Variants in ZNF569 observed in about 807,000 individuals in gnomAD.
ZNF569 encodes the protein DNA-binding protein.
A neutral mutation model predicts 56.3 loss-of-function variants in ZNF569; 38 were observed. The observed-to-expected ratio is 0.68, with a 90% CI of 0.52 to 0.88. The LOEUF is 0.88. ZNF569 is among the 40% of genes least tolerant of loss of function. ZNF569 has a pLI of 0.00. For missense variants in ZNF569, 666 were observed against 809.2 expected, an observed-to-expected ratio of 0.82 and a Z score of 2.15; for synonymous variants, 241 against 262.9, an observed-to-expected ratio of 0.92 and a Z score of 0.81.
intron 5 of ZNF569, among the ~76,000 whole-genome samples, chr19:37,423,845 C>T (rs2041078737): frequency 6.6e-6 from 1 of 152,164 alleles, no homozygotes; most frequent in African/African-American, 2.4e-5. Flanking sequence ...CCATTTTTCA[C>T]CTCAGTTTGG....
upstream of ZNF569, chr19:37,468,879 CGCT>C: frequency 4.8e-6 from 1 of 207,720 alleles, no homozygotes; most frequent in Non-Finnish European, 8.4e-6. Flanking sequence ...CCCCCCACCC[CGCT>C]CCCCTCCCAA....
intron 5 of ZNF569, among the ~76,000 whole-genome samples, chr19:37,414,854 C>A (rs10411599): frequency 2.6e-5 from 4 of 152,106 alleles, no homozygotes; most frequent in African/African-American, 9.6e-5. Context: ...AAAACTGACA[C>A]TACAAGATGC....
chr19:37,426,539 A>G (rs911976462), intron 3 of ZNF569, among the ~76,000 whole-genome samples, 161 bp from the exon 4 acceptor site: 3 of 152,256 alleles, frequency 2.0e-5, no homozygotes, highest in African/African-American at 7.2e-5. Context: ...TAGCAAGCAC[A>G]TGTCTTTAAT....
chr19:37,452,716 A>G (rs1375036983), intron 2 of ZNF569, among the ~76,000 whole-genome samples: 10 of 152,178 alleles, frequency 6.6e-5, no homozygotes, highest in Admixed American at 6.5e-4. Flanking sequence ...TGTATGTGAC[A>G]AGTTGCTTTT....
intron 3 of ZNF569, among the ~76,000 whole-genome samples, chr19:37,428,777 T>C (rs1423983142): frequency 2.6e-5 from 4 of 151,570 alleles, no homozygotes; most frequent in Admixed American, 6.6e-5. Flanking sequence ...TGGATTCAAG[T>C]GATTCTCCTG....
At chr19:37,452,770 G>A (rs748328691) in intron 2 of ZNF569, among the ~76,000 whole-genome samples, 2 of 152,106 alleles carry the variant, frequency 1.3e-5, no homozygotes, top group Non-Finnish European at 2.9e-5. Context: ...TTGACAATTT[G>A]CTATAATGCA....
At chr19:37,434,426 C>T (rs908189156) in intron 3 of ZNF569, among the ~76,000 whole-genome samples, 1 of 152,204 alleles carries the variant, frequency 6.6e-6, no homozygotes, top group African/African-American at 2.4e-5. Context: ...CAGTGGCTCA[C>T]GCCTGTAATC....
At chr19:37,466,753 T>C (rs972258825) in intron 1 of ZNF569, 1 of 152,296 alleles carries the variant, frequency 6.6e-6, no homozygotes, top group African/African-American at 2.4e-5. Context: ...TATCCACAGT[T>C]TTTCATTCAT....
chr19:37,420,746 G>C (rs1346779630), intron 5 of ZNF569, among the ~76,000 whole-genome samples: 2 of 152,062 alleles, frequency 1.3e-5, no homozygotes, highest in South Asian at 2.1e-4. Flanking sequence ...CTCCTCTCCT[G>C]AGTCATGAAT....
At chr19:37,468,071 GTT>G (rs35295578), upstream of ZNF569, 5,059 of 580,370 alleles carry the variant, frequency 8.7e-3, 19 homozygotes, top group African/African-American at 0.025. Context: ...TGCCTTTCGT[GTT>G]TTTTTTTTTT....
At chr19:37,437,362 C>T (rs1432088245) in intron 3 of ZNF569, among the ~76,000 whole-genome samples, 1 of 152,108 alleles carries the variant, frequency 6.6e-6, no homozygotes, top group Non-Finnish European at 1.5e-5. Context: ...ATGACAGACT[C>T]ACAGCTAGTA....
At chr19:37,443,215 G>A (rs191353038) in intron 3 of ZNF569, among the ~76,000 whole-genome samples, 158 of 152,160 alleles carry the variant, frequency 1.0e-3, no homozygotes, top group Admixed American at 2.2e-3. Context: ...GCATGGTGGC[G>A]CACGCCTGTA....
In ZNF569 at chr19:37,413,954, A is replaced by C. The variant is rs754392660; in HGVS notation, c.704T>G (p.Ile235Ser). Residue 235 changes from isoleucine to serine, a missense_variant, in exon 6 of 6, where the codon ATT (isoleucine) becomes AGT (serine). Ile to Ser is a moderately radical substitution (Grantham distance 142, BLOSUM62 -2). Coordinates refer to ENST00000316950, the MANE Select transcript of ZNF569 (RefSeq NM_152484.3). Reference protein sequence around the residue: ...HKEKLIKHYKIHSREQSYKCN... With the variant: ...HKEKLIKHYKSHSREQSYKCN... ...TTTGTAAGACTGCTCCCTACTGTGA[A>C]TTTTATAATGTTTAATAAGTTTTTC... The C allele has an allele frequency of 6.2e-7, 1 of 1,613,450 alleles. No homozygotes were observed. Among genetic ancestry groups the C allele is most frequent in the Non-Finnish European group, 8.5e-7 (1 of 1,179,916 alleles).
intron 5 of ZNF569, among the ~76,000 whole-genome samples, chr19:37,421,348 T>C (rs1294031030): frequency 6.6e-6 from 1 of 152,232 alleles, no homozygotes; most frequent in Non-Finnish European, 1.5e-5. Flanking sequence ...TGGCATCTTC[T>C]TCCAATAGAA....
intron 3 of ZNF569, among the ~76,000 whole-genome samples, chr19:37,434,287 G>A (rs1383465632): frequency 3.4e-5 from 5 of 146,144 alleles, no homozygotes; most frequent in African/African-American, 7.6e-5. Flanking sequence ...TGACAAGAGC[G>A]AGACTCTGTC....
At chr19:37,466,454 A>C (rs2041838494) in intron 1 of ZNF569, among the ~76,000 whole-genome samples, 1 of 151,866 alleles carries the variant, frequency 6.6e-6, no homozygotes, top group South Asian at 2.1e-4. Flanking sequence ...ACATGGAGAA[A>C]CCCCGTCTCT....
At chr19:37,448,707 G>C (rs1397390568) in intron 2 of ZNF569, among the ~76,000 whole-genome samples, 1 of 151,652 alleles carries the variant, frequency 6.6e-6, no homozygotes, top group Non-Finnish European at 1.5e-5. Context: ...GGGACTAAAC[G>C]CGCCCGCAAC....
At chr19:37,423,900 C>T (rs1029756805) in intron 5 of ZNF569, among the ~76,000 whole-genome samples, 1 of 151,942 alleles carries the variant, frequency 6.6e-6, no homozygotes, top group African/African-American at 2.4e-5. Flanking sequence ...GTTGAAGTTA[C>T]TGGTGGAAAT....
intron 3 of ZNF569, among the ~76,000 whole-genome samples, chr19:37,426,901 T>C (rs1247199169): frequency 6.6e-6 from 1 of 152,236 alleles, no homozygotes; most frequent in Non-Finnish European, 1.5e-5. Context: ...ATAGTTTACA[T>C]GTACTGGAAA....
Sources: allele counts gnomAD v4.1 joint callset (sites outside exome capture counted in the v4.1 genomes callset), GRCh38; gene constraint gnomAD v4.1.1; transcripts MANE v1.5; gene names NCBI Gene and HGNC (gene_info 2026-07-23, HGNC 2026-07-21).